The following AQR variants were observed in gnomAD, a reference collection of about 807,000 sequenced individuals.
AQR encodes RNA helicase aquarius.
Under a neutral mutation model 180.5 loss-of-function variants are expected in AQR, and 61 were observed. The ratio of observed to expected loss-of-function variants is 0.34; its 90% CI spans 0.28 to 0.42. AQR has a LOEUF of 0.42. Among genes scored for constraint, AQR ranks in the 10% least tolerant of loss-of-function variants. The pLI is 1.00. For missense variants in AQR, 1,281 were observed against 1,798.3 expected (o/e 0.71, Z 5.20); for synonymous variants, 551 against 588.8 (o/e 0.94, Z 0.93).
chr15:34,913,118 G>A (rs149548941), intron 16 of AQR, among the ~76,000 whole-genome samples: 11 of 152,148 alleles, frequency 7.2e-5, no homozygotes, highest in African/African-American at 2.4e-4. Context: ...ACAGAGTTGT[G>A]CATCCATCAC....
intron 7 of AQR, among the ~76,000 whole-genome samples, 164 bp from the exon 8 acceptor site, chr15:34,941,163 C>T (rs1894016525): frequency 6.6e-6 from 1 of 151,974 alleles, no homozygotes; most frequent in African/African-American, 2.4e-5. Flanking sequence ...AAATGAATAA[C>T]GATATTTTAA....
intron 27 of AQR, 54 bp downstream of exon 27, chr15:34,882,448 C>A: frequency 1.5e-6 from 2 of 1,350,570 alleles, no homozygotes; most frequent in South Asian, 2.0e-5. Flanking sequence ...AAGAAGTGAG[C>A]CAATCTCTGA....
At chr15:34,921,839 C>T (rs1893688871) in intron 13 of AQR, among the ~76,000 whole-genome samples, 1 of 152,238 alleles carries the variant, frequency 6.6e-6, no homozygotes, top group South Asian at 2.1e-4. Context: ...TGAGACGAGT[C>T]TCACTCTGTT....
intron 10 of AQR, among the ~76,000 whole-genome samples, chr15:34,932,902 A>G (rs1025271676): frequency 6.6e-6 from 1 of 152,020 alleles, no homozygotes; most frequent in African/African-American, 2.4e-5. Flanking sequence ...GTTGTCTTGA[A>G]CCAAGATCGT....
At chr15:34,893,828 T>C (rs1893190866) in intron 22 of AQR, 55 bp from the exon 23 acceptor site, 1 of 1,498,090 alleles carries the variant, frequency 6.7e-7, no homozygotes, top group Non-Finnish European at 9.3e-7. Flanking sequence ...TTATCACACA[T>C]TGTTAGAAAA....
chr15:34,874,194 G>C (rs942860572), intron 29 of AQR, 195 bp from the exon 30 acceptor site: 2 of 470,572 alleles, frequency 4.3e-6, no homozygotes, highest in African/African-American at 4.0e-5. Flanking sequence ...GAAGACTGAA[G>C]GTACTACAAA....
In AQR at chr15:34,870,887, A is replaced by C; in HGVS notation, c.3633T>G (p.Phe1211Leu). 1 of 1,613,150 alleles carries C rather than the reference A, an allele frequency of 6.2e-7. No homozygotes were observed. Among genetic ancestry groups the C allele is most frequent in the Non-Finnish European group, 8.5e-7 (1 of 1,179,444 alleles). The change falls in exon 31 of 35, where the codon TTT becomes TTG. Residue 1211 changes from phenylalanine to leucine, a missense_variant. By Grantham distance (22) the Phe-to-Leu change is conservative (BLOSUM62 0). Coordinates refer to ENST00000156471, the MANE Select transcript of AQR (RefSeq NM_014691.3). ...LGEAEYVVAL[F>L]MYMCLLGYPA... ...GGTAACCAAGTAAACACATGTACATAAAAAGTGCTACTACATATTCTGCCT... is the reference window on the plus strand; with the variant it reads ...GGTAACCAAGTAAACACATGTACATCAAAAGTGCTACTACATATTCTGCCT...
chr15:34,946,575 A>G (rs1262414936), intron 5 of AQR, among the ~76,000 whole-genome samples: 2 of 130,110 alleles, frequency 1.5e-5, no homozygotes, highest in East Asian at 2.3e-4. Context: ...TCCGGGAGGG[A>G]GGTGGGGGGG....
At chr15:34,858,819 A>T (rs1459257358) in intron 34 of AQR, among the ~76,000 whole-genome samples, 4 of 152,248 alleles carry the variant, frequency 2.6e-5, no homozygotes, top group Non-Finnish European at 5.9e-5. Context: ...TAAGATGACA[A>T]GCAAGTCAAC....
intron 16 of AQR, among the ~76,000 whole-genome samples, chr15:34,913,717 C>T (rs938206583): frequency 6.6e-6 from 1 of 152,090 alleles, no homozygotes; most frequent in African/African-American, 2.4e-5. Context: ...AAATTAGGCC[C>T]AGAATCTGAG....
rs543514738 is a variant in AQR at position 34,857,826 on chromosome 15, A to G, written c.4144-720T>C. On this transcript the variant is annotated intron_variant, in intron 34 of 34. Coordinates refer to ENST00000156471, the MANE Select transcript of AQR (RefSeq NM_014691.3). ...CCTGGCCTTAAGGCAAAGCCATGGG[A>G]GAAGGGAGCAGCAAGGAACAAGGTT... 2.5e-3 allele frequency among the ~76,000 whole-genome samples: 376 copies of G among 152,234 alleles called. 3 individuals are homozygous for G. Among genetic ancestry groups the G allele is most frequent in the African/African-American group, 8.7e-3 (361 of 41,554 alleles).
chr15:34,879,580 T>G (rs1481936131), intron 27 of AQR, among the ~76,000 whole-genome samples: 3 of 152,224 alleles, frequency 2.0e-5, no homozygotes, highest in African/African-American at 7.2e-5. Flanking sequence ...CTTGACTATG[T>G]TCTTCTCATG....
intron 12 of AQR, among the ~76,000 whole-genome samples, chr15:34,927,528 GGA>G (rs1349728511): frequency 2.6e-5 from 4 of 152,206 alleles, no homozygotes; most frequent in African/African-American, 9.6e-5. Context: ...GAACTTGGAA[GGA>G]GAGACCAAAA....
In AQR at chr15:34,856,800, TC is replaced by T. The variant is rs1343187875; in HGVS notation, c.4449del (p.Thr1484ProfsTer20). On this transcript the variant is annotated frameshift_variant, in exon 35 of 35. Coordinates refer to ENST00000156471, the MANE Select transcript of AQR (RefSeq NM_014691.3). LOFTEE classifies it high-confidence loss of function. The part of the protein sequence containing the change: ...TPQDATSAPE[E>X]TK The stretch of plus-strand genomic sequence containing the variant: ...GAAGGACTACAGTTTGGCTACTTGG[TC>T]TCTTCCGGGGCAGATGTGGCATCCT... 6.6e-7 allele frequency: 1 copy of T among 1,526,208 alleles called. No individual in the cohort carries two copies. 94.5% of individuals were successfully genotyped at this position (1,526,208 alleles called of 1,614,324 possible). A position where few individuals can be genotyped will look rare whatever the true frequency, so the allele number is the denominator to read the frequency against.
At chr15:34,960,317 G>A (rs974506449) in intron 3 of AQR, among the ~76,000 whole-genome samples, 1 of 152,176 alleles carries the variant, frequency 6.6e-6, no homozygotes. Flanking sequence ...ATTGGGGGCA[G>A]AAAAGATGAT....
chr15:34,920,516 A>G, intron 13 of AQR, 82 bp from the exon 14 acceptor site: 3 of 1,048,454 alleles, frequency 2.9e-6, no homozygotes, highest in Non-Finnish European at 4.2e-6. Flanking sequence ...AAATAGCTTA[A>G]AAAAGCAAAT....
intron 3 of AQR, among the ~76,000 whole-genome samples, chr15:34,958,573 C>T (rs1191093208): frequency 6.6e-6 from 1 of 152,066 alleles, no homozygotes; most frequent in Non-Finnish European, 1.5e-5. Context: ...TAAAAAGCAG[C>T]CAAATGTATA....
intron 5 of AQR, among the ~76,000 whole-genome samples, chr15:34,946,980 C>T (rs904168368): frequency 4.6e-5 from 7 of 152,136 alleles, no homozygotes; most frequent in Non-Finnish European, 7.4e-5. Flanking sequence ...AGGAGCCCCT[C>T]TGCCCGGCCA....
intron 9 of AQR, among the ~76,000 whole-genome samples, chr15:34,937,252 C>A (rs893293372): frequency 1.1e-4 from 11 of 97,926 alleles, no homozygotes; most frequent in Admixed American, 2.9e-4. Context: ...GTCTCGATCT[C>A]CTGACCTCGT....
Sources: gnomAD v4.1 joint callset for allele counts (sites outside exome capture counted in the v4.1 genomes callset) on GRCh38, gnomAD v4.1.1 for gene constraint, MANE v1.5 for transcripts, NCBI Gene and HGNC (gene_info 2026-07-23, HGNC 2026-07-21) for gene names.